The following ARRB1 variants were observed in gnomAD, a reference collection of about 807,000 sequenced individuals.
ARRB1 encodes the protein arrestin beta 1.
In ARRB1, 21 loss-of-function variants were observed where a neutral mutation model predicts 56.8. The observed-to-expected ratio is 0.37, with a 90% CI of 0.26 to 0.53. The LOEUF (loss-of-function observed/expected upper bound fraction) is 0.53, where lower values mean the gene tolerates loss of function less well. Ranked by LOEUF, ARRB1 falls within the 20% of genes least tolerant of loss-of-function variation. The pLI is 0.88. For synonymous variants in ARRB1, 210 were observed against 218.6 expected (o/e 0.96, Z 0.35); for missense variants, 424 against 553.7 (o/e 0.77, Z 2.35).
intron 1 of ARRB1, among the ~76,000 whole-genome samples, chr11:75,296,191 A>ATT: frequency 4.0e-5 from 6 of 150,948 alleles, no homozygotes; most frequent in African/African-American, 1.5e-4. Flanking sequence ...GTCTCAAAAA[A>ATT]AAAAAAAAAA....
At chr11:75,349,700 C>T (rs1333135018) in intron 1 of ARRB1, among the ~76,000 whole-genome samples, 1 of 152,248 alleles carries the variant, frequency 6.6e-6, no homozygotes, top group Non-Finnish European at 1.5e-5. Flanking sequence ...AATTTCAGGG[C>T]AGATGGATGT....
chr11:75,272,596 G>C (rs891591309), intron 12 of ARRB1, among the ~76,000 whole-genome samples: 4 of 152,168 alleles, frequency 2.6e-5, no homozygotes, highest in Non-Finnish European at 4.4e-5. Flanking sequence ...CTCTGAGGAC[G>C]CCGTCCCCTG....
chr11:75,349,437 C>G (rs969344014), intron 1 of ARRB1, among the ~76,000 whole-genome samples: 2 of 152,208 alleles, frequency 1.3e-5, no homozygotes, highest in Non-Finnish European at 2.9e-5. Flanking sequence ...TGGAAAATAC[C>G]TTGGCCTCAG....
intron 1 of ARRB1, among the ~76,000 whole-genome samples, chr11:75,337,884 G>A (rs565888311): frequency 2.1e-4 from 29 of 141,194 alleles, no homozygotes; most frequent in Middle Eastern, 3.7e-3. Flanking sequence ...CGCCTGCCTC[G>A]GCCTCCCAAA....
intron 13 of ARRB1, among the ~76,000 whole-genome samples, chr11:75,270,073 C>T (rs576864453): frequency 1.0e-4 from 16 of 152,388 alleles, no homozygotes; most frequent in African/African-American, 3.1e-4. Flanking sequence ...CCTCGCCACC[C>T]GCTGGTGCAG....
chr11:75,313,342 C>A (rs955917877), intron 1 of ARRB1, among the ~76,000 whole-genome samples: 1 of 152,172 alleles, frequency 6.6e-6, no homozygotes, highest in Admixed American at 6.5e-5. Flanking sequence ...CAGAGTGAGA[C>A]TCCATCTCAA....
intron 12 of ARRB1, among the ~76,000 whole-genome samples, chr11:75,272,056 G>T (rs1044464305): frequency 6.6e-6 from 1 of 152,184 alleles, no homozygotes; most frequent in Non-Finnish European, 1.5e-5. Flanking sequence ...GAAGGACTCC[G>T]GGGTTGCCAA....
intron 1 of ARRB1, among the ~76,000 whole-genome samples, chr11:75,346,673 G>A (rs1476677609): frequency 1.3e-5 from 2 of 152,170 alleles, no homozygotes; most frequent in African/African-American, 4.8e-5. Context: ...GTCTGTCCCT[G>A]CTTCTTTGGC....
In ARRB1 at chr11:75,320,590, G is replaced by A. The variant is rs116841168; in HGVS notation, c.21-30551C>T. ...CAGCTCTGTTCCCGCAAGGGCTGAA[G>A]GCTCCAGGAGGAAGAGGCCATGGGC... On this transcript the variant is annotated intron_variant, in intron 1 of 15. Transcript: ENST00000420843. Among the ~76,000 whole-genome samples the A allele has an allele frequency of 4.9e-3, 744 of 152,336 alleles. 2 individuals are homozygous for A. Among genetic ancestry groups the A allele is most frequent in the Non-Finnish European group, 8.5e-3 (579 of 68,020 alleles).
intron 1 of ARRB1, among the ~76,000 whole-genome samples, chr11:75,332,196 A>T (rs775222705): frequency 2.0e-5 from 3 of 150,624 alleles, no homozygotes; most frequent in Non-Finnish European, 4.4e-5. Context: ...AAAAAGCTTT[A>T]TTGTTCACAC....
intron 1 of ARRB1, among the ~76,000 whole-genome samples, chr11:75,334,306 C>CAAAAAA (rs11403871): frequency 9.1e-6 from 1 of 109,688 alleles, no homozygotes; most frequent in African/African-American, 3.6e-5. Flanking sequence ...CCGTCTCAAA[C>CAAAAAA]AAAAAAAAAA....
At chr11:75,303,715 GGGA>G in intron 1 of ARRB1, 1 of 456,124 alleles carries the variant, frequency 2.2e-6, no homozygotes, top group African/African-American at 2.0e-5. Flanking sequence ...GTGGGAGGGT[GGGA>G]GGAGGTGCAT....
At position 75,268,806 on chromosome 11, in the gene ARRB1, C is replaced by T. The variant is rs1339366233; in HGVS notation, c.1093+83G>A. 43 of 1,486,642 alleles carry T rather than the reference C, an allele frequency of 2.9e-5. No homozygotes were observed. The Admixed American group carries it at 3.0e-4, about 10-fold the overall frequency. 92.1% of individuals were successfully genotyped at this position (1,486,642 alleles called of 1,614,324 possible). On this transcript the variant is annotated intron_variant, in intron 14 of 15. Transcript: ENST00000420843. ...GAGAAAAGGGTGACTGGGCTGAGGG[C>T]GAACCCGGGGCGGGGTGGGTTACAG...
rs1437883102 is a variant in ARRB1, at chr11:75,281,075, C to T, written c.482G>A (p.Arg161Gln). 6 of 1,600,994 alleles carry T rather than the reference C, an allele frequency of 3.7e-6. No individual in the cohort carries two copies. Among genetic ancestry groups the T allele is most frequent in the Middle Eastern group, 1.7e-4 (1 of 6,054 alleles). ...AENLEEKIHKRNSVRLVIRKV... is the reference protein window; with the variant it reads ...AENLEEKIHKQNSVRLVIRKV... ...GCCCACACCCTGGCATCCTACTCACCGCTTGTGGATCTTCTCCTCCAAATT... is the reference window on the plus strand; with the variant it reads ...GCCCACACCCTGGCATCCTACTCACTGCTTGTGGATCTTCTCCTCCAAATT... The change falls in exon 7 of 16, where the codon CGG becomes CAG. Residue 161 changes from arginine to glutamine, a missense_variant and splice_region_variant. Arg to Gln is a conservative substitution (Grantham distance 43). Coordinates refer to ENST00000420843, the MANE Select transcript of ARRB1 (RefSeq NM_004041.5).
intron 1 of ARRB1, among the ~76,000 whole-genome samples, chr11:75,346,818 T>C (rs529550964): frequency 6.6e-6 from 1 of 152,310 alleles, no homozygotes; most frequent in South Asian, 2.1e-4. Flanking sequence ...ATGTCATTCA[T>C]CCACATTTCC....
chr11:75,268,835 C>T (rs1025135738), intron 14 of ARRB1, 54 bp downstream of exon 14: 5 of 1,583,760 alleles, frequency 3.2e-6, no homozygotes, highest in South Asian at 1.1e-5. Context: ...GTTACAGGGT[C>T]ACGTGGCAGC....
intron 8 of ARRB1, 38 bp downstream of exon 8, chr11:75,278,571 G>A: frequency 1.2e-6 from 2 of 1,612,936 alleles, no homozygotes; most frequent in Middle Eastern, 1.7e-4. Flanking sequence ...GGCCCTGGTG[G>A]AGCAGCCCCC....
At chr11:75,313,603 G>T (rs965264526) in intron 1 of ARRB1, among the ~76,000 whole-genome samples, 1 of 152,230 alleles carries the variant, frequency 6.6e-6, no homozygotes, top group Non-Finnish European at 1.5e-5. Context: ...CTGAGAAGCA[G>T]GGAGGCGTGT....
At chr11:75,287,752 C>T (rs571031848) in intron 2 of ARRB1, among the ~76,000 whole-genome samples, 14 of 152,332 alleles carry the variant, frequency 9.2e-5, no homozygotes, top group African/African-American at 3.4e-4. Context: ...CAGGCGGGAG[C>T]GCTGAGCCCT....
Sources: allele counts gnomAD v4.1 joint callset (sites outside exome capture counted in the v4.1 genomes callset), GRCh38; gene constraint gnomAD v4.1.1; transcripts MANE v1.5; gene names NCBI Gene and HGNC (gene_info 2026-07-23, HGNC 2026-07-21).